The following CDH4 variants were observed in gnomAD, a reference collection of about 807,000 sequenced individuals.
CDH4 encodes the protein cadherin 4.
CDH4 carries 33 observed loss-of-function variants against 86.0 expected under a neutral mutation model. The ratio of observed to expected loss-of-function variants is 0.38; its 90% CI spans 0.29 to 0.51. CDH4 has a LOEUF of 0.51. Ranked by LOEUF, CDH4 falls within the 20% of genes least tolerant of loss-of-function variation. The probability of loss-of-function intolerance (pLI) is 0.86; values close to 1 mark genes in which losing one functional copy is unlikely to be tolerated. For synonymous variants in CDH4, 555 were observed against 549.4 expected, an observed-to-expected ratio of 1.01 and a Z score of -0.14; for missense variants, 1,114 against 1,307.4, an observed-to-expected ratio of 0.85 and a Z score of 2.28.
intron 2 of CDH4, among the ~76,000 whole-genome samples, chr20:61,720,925 C>T (rs1568776814): frequency 6.6e-6 from 1 of 152,166 alleles, no homozygotes; most frequent in Admixed American, 6.5e-5. Context: ...TTAAACCTGA[C>T]TTGTTGGCTA....
At chr20:61,632,876 C>G (rs1052752824) in intron 2 of CDH4, among the ~76,000 whole-genome samples, 4 of 138,442 alleles carry the variant, frequency 2.9e-5, no homozygotes, top group Non-Finnish European at 4.7e-5. Context: ...ACTTCTCCAT[C>G]CACTCACCCA....
At chr20:61,384,414 C>T (rs1417281695) in intron 2 of CDH4, among the ~76,000 whole-genome samples, 1 of 152,174 alleles carries the variant, frequency 6.6e-6, no homozygotes. Flanking sequence ...CTTACTCAGG[C>T]CCTGGCAGGA....
intron 2 of CDH4, among the ~76,000 whole-genome samples, chr20:61,394,444 TG>T (rs2085004230): frequency 6.6e-6 from 1 of 152,138 alleles, no homozygotes; most frequent in Non-Finnish European, 1.5e-5. Context: ...TGGAAAGATG[TG>T]TATTTCTTAA....
intron 2 of CDH4, among the ~76,000 whole-genome samples, chr20:61,603,346 C>T (rs1296301440): frequency 6.6e-6 from 1 of 152,168 alleles, no homozygotes; most frequent in African/African-American, 2.4e-5. Flanking sequence ...CAACCAGGGC[C>T]CCACACCACT....
chr20:61,368,376 A>G (rs1367829323), intron 2 of CDH4, among the ~76,000 whole-genome samples: 1 of 152,106 alleles, frequency 6.6e-6, no homozygotes, highest in Non-Finnish European at 1.5e-5. Flanking sequence ...TCCAGAGAGA[A>G]CCTGCACCCC....
At chr20:61,355,098 G>T (rs2084740638) in intron 2 of CDH4, among the ~76,000 whole-genome samples, 1 of 152,276 alleles carries the variant, frequency 6.6e-6, no homozygotes. Context: ...CTCAAATGTG[G>T]CTGCAGTCAT....
chr20:61,826,453 C>T lies in CDH4; in HGVS notation c.577-18215C>T, dbSNP rs1216085604. 3.3e-5 allele frequency among the ~76,000 whole-genome samples: 5 copies of T among 152,218 alleles called. No individual in the cohort carries two copies. The South Asian group carries it at 6.2e-4, about 19-fold the overall frequency. On this transcript the variant is annotated intron_variant, in intron 4 of 15. Coordinates refer to ENST00000614565, the MANE Select transcript of CDH4 (RefSeq NM_001794.5). ...TCCAGGGCCACCCTGTCAGAGAAGG[C>T]CTTGCTGATGCCCTTATGGAAAACC...
chr20:61,707,720 A>G (rs2087847063), intron 2 of CDH4, among the ~76,000 whole-genome samples: 1 of 152,098 alleles, frequency 6.6e-6, no homozygotes, highest in Non-Finnish European at 1.5e-5. Flanking sequence ...TTTGAGATAA[A>G]ACTGTCCCAC....
intron 2 of CDH4, among the ~76,000 whole-genome samples, chr20:61,673,209 C>T (rs566167822): frequency 2.0e-5 from 3 of 152,276 alleles, no homozygotes; most frequent in East Asian, 1.9e-4. Flanking sequence ...ACCTCTAGAG[C>T]GCTGAGATGT....
Position 61,916,967 on chromosome 20 carries a change from G to A in CDH4, c.1374+6360G>A, listed in dbSNP as rs1484393920. Among the ~76,000 whole-genome samples, 7 of 152,320 alleles carry A rather than the reference G, an allele frequency of 4.6e-5. No individual in the cohort carries two copies. In the East Asian group the frequency reaches 1.2e-3, roughly 25 times the overall value. ...ATGCTCTGGGCTGATGCAGTGCCCT[G>A]TGCAGGGAAGGAGAGCACTCCTGGG... On this transcript the variant is annotated intron_variant, in intron 9 of 15. Coordinates refer to ENST00000614565, the MANE Select transcript of CDH4 (RefSeq NM_001794.5).
intron 2 of CDH4, among the ~76,000 whole-genome samples, chr20:61,613,376 C>T (rs1884224): frequency 0.91 from 138,408 of 152,034 alleles, 63,490 homozygotes; most frequent in East Asian, 1. Context: ...CAGATCTGGC[C>T]CAGGGCCGTG....
intron 2 of CDH4, among the ~76,000 whole-genome samples, chr20:61,258,339 A>AAAAAAAAAAAAAAAG (rs1555830539): frequency 2.2e-5 from 3 of 139,218 alleles, no homozygotes; most frequent in East Asian, 2.0e-4. Flanking sequence ...CAAAAAAAAA[A>AAAAAAAAAAAAAAAG]AAAAAAGAAA....
In CDH4 at chr20:61,733,338, A is replaced by G. The variant is rs1018167168; in HGVS notation, c.170-10225A>G. On this transcript the variant is annotated intron_variant, in intron 2 of 15. Coordinates refer to ENST00000614565, the MANE Select transcript of CDH4 (RefSeq NM_001794.5). ...GATCCCAGCTTCTCCCATCACCCTC[A>G]TCCCACTCACAGCCGCCGCTCCCAG... Among the ~76,000 whole-genome samples the G allele has an allele frequency of 2.6e-5, 4 of 152,208 alleles. No individual in the cohort carries two copies. In the East Asian group the frequency reaches 7.7e-4, roughly 29 times the overall value.
In CDH4 at chr20:61,743,765, C is replaced by T. The variant is rs2088374499; in HGVS notation, c.372C>T (p.Thr124=). 6.2e-7 allele frequency: 1 copy of T among 1,605,220 alleles called. No homozygotes were observed. Among genetic ancestry groups the T allele is most frequent in the Non-Finnish European group, 8.5e-7 (1 of 1,176,320 alleles). ...TGGTGCGGTTGCTGGTGGCCCAGAC[C>T]TCGTCCCCGCACTCTGGACACAAGG... ...DAVVRLLVAQ[T]SSPHSGHKPQ... Residue 124 remains threonine (T), a synonymous_variant, in exon 3 of 16, where the codon ACC becomes ACT. Transcript: ENST00000614565.
chr20:61,581,501 CCT>C (rs1014786120), intron 2 of CDH4, among the ~76,000 whole-genome samples: 17 of 152,140 alleles, frequency 1.1e-4, no homozygotes, highest in African/African-American at 4.1e-4. Flanking sequence ...TGCTCTGGTC[CCT>C]CTCTACTCCA....
rs1009436257 is a variant in CDH4 at position 61,472,297 on chromosome 20, A to G, written c.169+217360A>G. The stretch of plus-strand genomic sequence containing the variant: ...TCTTATACTTTTTGTCTTGAAATCT[A>G]TTTTGTCTGATATAAGTGTAGCTAC... On this transcript the variant is annotated intron_variant, in intron 2 of 15. Transcript: ENST00000614565. 3.3e-5 allele frequency among the ~76,000 whole-genome samples: 5 copies of G among 152,014 alleles called. 1 individual carries two copies. The highest frequency in any genetic ancestry group is 1.3e-4 in the Admixed American group (2 of 15,254).
rs746535720 is a variant in CDH4 at position 61,929,783 on chromosome 20, C to A, written c.2180C>A (p.Ala727Glu). 2.0e-5 allele frequency: 32 copies of A among 1,613,992 alleles called. No individual in the cohort carries two copies. The highest frequency in any genetic ancestry group is 2.6e-5 in the Non-Finnish European group (31 of 1,180,052). ...TGCACCACCATTGGCGCAGTGGCAGCGGCTGGTCTGGGCACCGGTGCCATC... is the reference window on the plus strand; with the variant it reads ...TGCACCACCATTGGCGCAGTGGCAGAGGCTGGTCTGGGCACCGGTGCCATC... ...GDCTTIGAVA[A>E]AGLGTGAIVA... The change falls in exon 13 of 16, where the codon GCG becomes GAG. Residue 727 changes from alanine (A) to glutamate (E), a missense_variant. By Grantham distance (107) the Ala-to-Glu change is moderately radical. This residue lies in a region of CDH4 where 705 missense variants were observed against 914.1 expected (regional missense o/e 0.77). Coordinates refer to ENST00000614565, the MANE Select transcript of CDH4 (RefSeq NM_001794.5).
Position 61,902,807 on chromosome 20 carries a change from CTAAGTA to C in CDH4, c.1189-7613_1189-7608del, listed in dbSNP as rs2054741287. On this transcript the variant is annotated intron_variant, in intron 8 of 15. Coordinates refer to ENST00000614565, the MANE Select transcript of CDH4 (RefSeq NM_001794.5). This position sits in a 1 kb window ranked among gnomAD's most constrained non-coding sequence, Gnocchi z 4.6. ...AGGAAGATTCTAGCATTGCAGACGT[CTAAGTA>C]TGAGGTCAGCGCCTCGTCACCACCT... is the stretch of plus-strand genomic sequence containing the variant. Among the ~76,000 whole-genome samples the C allele has an allele frequency of 6.6e-6, 1 of 152,146 alleles. No homozygotes were observed. The highest frequency in any genetic ancestry group is 1.5e-5 in the Non-Finnish European group (1 of 68,026).
intron 2 of CDH4, among the ~76,000 whole-genome samples, chr20:61,512,933 A>G (rs2085790962): frequency 6.6e-6 from 1 of 152,250 alleles, no homozygotes; most frequent in African/African-American, 2.4e-5. Flanking sequence ...GCCAATTACA[A>G]ATTCAGTCCA....
Sources: gnomAD v4.1 joint callset for allele counts (sites outside exome capture counted in the v4.1 genomes callset) on GRCh38, gnomAD v4.1.1 for gene constraint, gnomAD v4.1.1 regional missense constraint, Gnocchi (gnomAD v3.1) non-coding constraint, MANE v1.5 for transcripts, NCBI Gene and HGNC (gene_info 2026-07-23, HGNC 2026-07-21) for gene names.